PTPRT: variants seen among roughly 807,000 people sequenced by gnomAD.
PTPRT encodes receptor-type tyrosine-protein phosphatase T.
Under a neutral mutation model 176.8 loss-of-function variants are expected in PTPRT, and 56 were observed. The observed-to-expected ratio is 0.32, with a 90% CI of 0.26 to 0.40. The LOEUF (loss-of-function observed/expected upper bound fraction) is 0.40. Ranked by LOEUF, PTPRT falls within the 10% of genes least tolerant of loss-of-function variation. The probability of loss-of-function intolerance (pLI) is 1.00; values close to 1 mark genes in which losing one functional copy is unlikely to be tolerated. For missense variants in PTPRT, 1,540 were observed against 1,908.2 expected (o/e 0.81, Z 3.60); for synonymous variants, 783 against 739.0 (o/e 1.06, Z -0.96).
intron 4 of PTPRT, among the ~76,000 whole-genome samples, chr20:42,778,666 A>G (rs1294394888): frequency 2.0e-5 from 3 of 152,206 alleles, no homozygotes; most frequent in Admixed American, 2.0e-4. Flanking sequence ...ACATCTCCCA[A>G]CACAGTTGCC....
At chr20:42,690,000 T>C (rs927930004) in intron 6 of PTPRT, among the ~76,000 whole-genome samples, 4 of 152,080 alleles carry the variant, frequency 2.6e-5, no homozygotes, top group Admixed American at 2.0e-4. Flanking sequence ...AGGAGAGATA[T>C]CCAAATTAGA....
rs138003206 is a variant in PTPRT, at chr20:42,431,256, C to T, written c.1560+16964G>A. Reference sequence around the variant, plus strand: ...GCCCAAAAGTCAGCCACCTAGGCAACGTTAGATCTAGGATTTGAATCCAGG... The same window carrying T: ...GCCCAAAAGTCAGCCACCTAGGCAATGTTAGATCTAGGATTTGAATCCAGG... On this transcript the variant is annotated intron_variant, in intron 9 of 30. Transcript: ENST00000373187. Among the ~76,000 whole-genome samples, 553 of 152,272 alleles carry T rather than the reference C, an allele frequency of 3.6e-3. 4 individuals carry two copies. Among genetic ancestry groups the T allele is most frequent in the African/African-American group, 0.013 (531 of 41,552 alleles).
At chr20:43,188,310 A>G (rs574476309) in intron 1 of PTPRT, among the ~76,000 whole-genome samples, 12 of 152,174 alleles carry the variant, frequency 7.9e-5, no homozygotes, top group African/African-American at 2.9e-4. Flanking sequence ...CACACCTCAA[A>G]AGGAGTGTCT....
rs186928182 is a variant in PTPRT at position 42,811,527 on chromosome 20, T to C, written c.215-20061A>G. Among the ~76,000 whole-genome samples the C allele has an allele frequency of 7.9e-5, 12 of 152,300 alleles. No individual in the cohort carries two copies. The East Asian group carries it at 2.1e-3, about 27-fold the overall frequency. On this transcript the variant is annotated intron_variant, in intron 2 of 30. Transcript: ENST00000373187. ...CAAAGATCTCTTTAAGAACACAGATTGTGAAGAAAGCATTAAGAGCTTGAA... is the reference window on the plus strand; with the variant it reads ...CAAAGATCTCTTTAAGAACACAGATCGTGAAGAAAGCATTAAGAGCTTGAA...
At chr20:42,581,913 C>G (rs1417592297) in intron 7 of PTPRT, among the ~76,000 whole-genome samples, 1 of 152,118 alleles carries the variant, frequency 6.6e-6, no homozygotes. Flanking sequence ...AATCAATAAG[C>G]AACTTAAATT....
rs556670142 is a variant in PTPRT at position 42,953,667 on chromosome 20, G to A, written c.89-67735C>T. 1.9e-3 allele frequency among the ~76,000 whole-genome samples: 294 copies of A among 152,182 alleles called. 1 individual carries two copies. The highest frequency in any genetic ancestry group is 6.6e-3 in the African/African-American group (273 of 41,530). On this transcript the variant is annotated intron_variant, in intron 1 of 30. Transcript: ENST00000373187. ...TCAGCCATCTAAAGCTGCCCAGCCCGTGGAGAAGCTGAGCCCTCCCGTTTA... is the reference window on the plus strand; with the variant it reads ...TCAGCCATCTAAAGCTGCCCAGCCCATGGAGAAGCTGAGCCCTCCCGTTTA...
intron 1 of PTPRT, among the ~76,000 whole-genome samples, chr20:43,077,637 C>T (rs924433271): frequency 2.0e-5 from 3 of 152,094 alleles, no homozygotes; most frequent in East Asian, 3.9e-4. Context: ...CAGGCACATC[C>T]CATGCTCATA....
intron 7 of PTPRT, among the ~76,000 whole-genome samples, chr20:42,633,932 AATAAT>A (rs768274668): frequency 0.11 from 5,156 of 47,390 alleles, 508 homozygotes; most frequent in South Asian, 0.13. Context: ...AATATATTAT[AATAAT>A]ATAATATAAT....
At chr20:42,503,323 T>C (rs1454664971) in intron 7 of PTPRT, among the ~76,000 whole-genome samples, 4 of 152,072 alleles carry the variant, frequency 2.6e-5, no homozygotes, top group African/African-American at 9.6e-5. Flanking sequence ...AGCTAGGAAT[T>C]TCCCTGAAAT....
At chr20:42,985,042 T>C (rs963051710) in intron 1 of PTPRT, among the ~76,000 whole-genome samples, 1 of 151,882 alleles carries the variant, frequency 6.6e-6, no homozygotes, top group Non-Finnish European at 1.5e-5. Flanking sequence ...GAAGATTGAG[T>C]GAATATGACC....
At chr20:42,659,525 T>C (rs1465954168) in intron 7 of PTPRT, among the ~76,000 whole-genome samples, 2 of 152,164 alleles carry the variant, frequency 1.3e-5, no homozygotes, top group African/African-American at 4.8e-5. Context: ...CTCAGGGAGT[T>C]AGAGTCTAAT....
intron 7 of PTPRT, among the ~76,000 whole-genome samples, chr20:42,616,369 T>G (rs920811562): frequency 4.1e-5 from 5 of 120,738 alleles, no homozygotes; most frequent in African/African-American, 1.9e-4. Context: ...AGTCAGGTAG[T>G]GTGATGCCTC....
intron 12 of PTPRT, 38 bp downstream of exon 12, chr20:42,315,685 A>G: frequency 6.3e-7 from 1 of 1,595,948 alleles, no homozygotes; most frequent in Admixed American, 1.7e-5. Context: ...AAAAAATGCA[A>G]ACAAGGCAAG....
chr20:42,849,168 A>G (rs746182583), intron 2 of PTPRT, among the ~76,000 whole-genome samples: 1 of 152,130 alleles, frequency 6.6e-6, no homozygotes, highest in Non-Finnish European at 1.5e-5. Flanking sequence ...CCACTGGTCT[A>G]TGTGCCTGTT....
intron 2 of PTPRT, among the ~76,000 whole-genome samples, chr20:42,794,116 G>A (rs772163143): frequency 5.9e-5 from 9 of 152,176 alleles, no homozygotes; most frequent in Non-Finnish European, 1.3e-4. Context: ...GCTCGCTGAG[G>A]AGGTAGAGAT....
chr20:42,852,583 C>T (rs1415859079), intron 2 of PTPRT, among the ~76,000 whole-genome samples: 1 of 152,010 alleles, frequency 6.6e-6, no homozygotes, highest in Non-Finnish European at 1.5e-5. Flanking sequence ...AGGGCTATGT[C>T]CTTTGATTTT....
intron 1 of PTPRT, among the ~76,000 whole-genome samples, chr20:43,152,815 A>C (rs73106060): frequency 0.019 from 2,852 of 152,324 alleles, 45 homozygotes; most frequent in South Asian, 0.057. Context: ...TCTTAATTAC[A>C]TACTATATAT....
chr20:42,060,835 G>T, the PTPRT span, among the ~76,000 whole-genome samples: 150 of 152,302 alleles, frequency 9.8e-4, no homozygotes, highest in Middle Eastern at 3.4e-3. Context: ...GTAGAAGAAG[G>T]TACATGCCTT....
At chr20:42,784,043 G>A (rs923472030) in intron 3 of PTPRT, among the ~76,000 whole-genome samples, 1 of 152,130 alleles carries the variant, frequency 6.6e-6, no homozygotes, top group Non-Finnish European at 1.5e-5. Flanking sequence ...ACCATCTATT[G>A]CACATGCTCC....
Sources: allele counts gnomAD v4.1 joint callset (sites outside exome capture counted in the v4.1 genomes callset), GRCh38; gene constraint gnomAD v4.1.1; transcripts MANE v1.5; gene names NCBI Gene and HGNC (gene_info 2026-07-23, HGNC 2026-07-21).